HSPA12A: variants seen among roughly 807,000 people sequenced by gnomAD.
The protein encoded by HSPA12A is heat shock protein family A (Hsp70) member 12A.
HSPA12A carries 28 observed loss-of-function variants against 69.2 expected under a neutral mutation model. That is an observed-to-expected ratio of 0.40 (90% CI 0.30 to 0.55). The LOEUF (loss-of-function observed/expected upper bound fraction) is 0.55, where lower values mean the gene tolerates loss of function less well. HSPA12A is among the 20% of genes least tolerant of loss of function. HSPA12A has a pLI of 0.38. For synonymous variants in HSPA12A, 345 were observed against 370.5 expected, an observed-to-expected ratio of 0.93 and a Z score of 0.79; for missense variants, 686 against 900.7, an observed-to-expected ratio of 0.76 and a Z score of 3.05.
chr10:116,761,866 C>CA (rs74264524), intron 2 of HSPA12A, among the ~76,000 whole-genome samples: 102 of 145,152 alleles, frequency 7.0e-4, no homozygotes, highest in South Asian at 2.9e-3. Flanking sequence ...GCAGTGATAA[C>CA]AAAAAAAAAA....
At chr10:116,745,195 CTG>C (rs1851621483), upstream of HSPA12A, among the ~76,000 whole-genome samples, 1 of 152,264 alleles carries the variant, frequency 6.6e-6, no homozygotes, top group African/African-American at 2.4e-5. Flanking sequence ...TTCTGCATCT[CTG>C]TGTCTAGAAC....
intron 2 of HSPA12A, among the ~76,000 whole-genome samples, chr10:116,803,818 C>T (rs1681739): frequency 0.3 from 46,132 of 152,110 alleles, 8,437 homozygotes; most frequent in Non-Finnish European, 0.41. Context: ...TGCGTGACCA[C>T]GGTTCATTCA....
chr10:116,706,733 G>A (rs1850264249), intron 2 of HSPA12A, among the ~76,000 whole-genome samples: 1 of 152,098 alleles, frequency 6.6e-6, no homozygotes, highest in African/African-American at 2.4e-5. Context: ...CCTGCTCAGG[G>A]CTTCTCTACC....
intron 2 of HSPA12A, among the ~76,000 whole-genome samples, chr10:116,763,271 T>C (rs1280413562): frequency 6.6e-6 from 1 of 152,324 alleles, no homozygotes; most frequent in Middle Eastern, 3.4e-3. Context: ...CTTTTCTATC[T>C]CAATGTACAT....
chr10:116,701,488 ATAG>A (rs774788948), intron 3 of HSPA12A, among the ~76,000 whole-genome samples: 53 of 152,248 alleles, frequency 3.5e-4, no homozygotes, highest in Non-Finnish European at 6.0e-4. Context: ...CAAGCACTCA[ATAG>A]CAGATATACT....
intron 2 of HSPA12A, among the ~76,000 whole-genome samples, chr10:116,766,954 G>A (rs1018121144): frequency 6.6e-5 from 10 of 152,190 alleles, no homozygotes; most frequent in African/African-American, 2.4e-4. Flanking sequence ...CAGGCTGACA[G>A]CCAAGCCCAT....
intron 1 of HSPA12A, among the ~76,000 whole-genome samples, chr10:116,729,909 GC>G (rs1402293143): frequency 1.3e-5 from 2 of 152,230 alleles, no homozygotes; most frequent in Admixed American, 6.5e-5. Context: ...CCTCGTGTGT[GC>G]CCAGTGGGTG....
chr10:116,774,395 C>T (rs571727645), intron 2 of HSPA12A, among the ~76,000 whole-genome samples: 25 of 152,306 alleles, frequency 1.6e-4, no homozygotes, highest in Middle Eastern at 3.4e-3. Flanking sequence ...CAGTCCCTGA[C>T]CAGTGTGGTC....
At chr10:116,741,704 C>T (rs1334125858) in intron 1 of HSPA12A, among the ~76,000 whole-genome samples, 1 of 152,156 alleles carries the variant, frequency 6.6e-6, no homozygotes, top group Non-Finnish European at 1.5e-5. Flanking sequence ...GCCCTAATCA[C>T]GCTCCCCAAA....
At chr10:116,713,559 A>G (rs1554883424) in intron 1 of HSPA12A, among the ~76,000 whole-genome samples, 1 of 152,172 alleles carries the variant, frequency 6.6e-6, no homozygotes, top group Non-Finnish European at 1.5e-5. Context: ...GAATAGTCCA[A>G]GAGATGAAAT....
intron 2 of HSPA12A, among the ~76,000 whole-genome samples, chr10:116,776,463 C>T (rs1554891164): frequency 6.6e-6 from 1 of 152,214 alleles, no homozygotes; most frequent in Non-Finnish European, 1.5e-5. Flanking sequence ...TCAAAATCAG[C>T]CGGGATTGAT....
chr10:116,741,512 GGGA>G, intron 1 of HSPA12A, among the ~76,000 whole-genome samples: 1 of 152,192 alleles, frequency 6.6e-6, no homozygotes, highest in Non-Finnish European at 1.5e-5. Flanking sequence ...CTGCAGGTCA[GGGA>G]CGCGCGGCGC....
chr10:116,778,123 G>C (rs564555958), intron 2 of HSPA12A, among the ~76,000 whole-genome samples: 3 of 152,154 alleles, frequency 2.0e-5, no homozygotes, highest in Non-Finnish European at 4.4e-5. Context: ...CACATCATTG[G>C]GGGGGCCTTG....
At chr10:116,772,097 C>T (rs538848368) in intron 2 of HSPA12A, among the ~76,000 whole-genome samples, 5 of 152,220 alleles carry the variant, frequency 3.3e-5, no homozygotes, top group East Asian at 1.9e-4. Flanking sequence ...AGGACGGGAG[C>T]GGGGGTAGTG....
At chr10:116,744,134 C>T (rs751152419), upstream of HSPA12A, among the ~76,000 whole-genome samples, 46 of 152,232 alleles carry the variant, frequency 3.0e-4, no homozygotes, top group Non-Finnish European at 6.0e-4. Context: ...CCCCACCCTA[C>T]TCCAGCTCCA....
At chr10:116,682,459 G>GGA (rs1554878767) in intron 7 of HSPA12A, among the ~76,000 whole-genome samples, 1 of 151,778 alleles carries the variant, frequency 6.6e-6, no homozygotes, top group Non-Finnish European at 1.5e-5. Flanking sequence ...ATAGACTGGG[G>GGA]GGGGGGGCCA....
intron 2 of HSPA12A, among the ~76,000 whole-genome samples, chr10:116,797,913 GC>G (rs777093367): frequency 2.0e-5 from 3 of 152,156 alleles, no homozygotes; most frequent in Non-Finnish European, 4.4e-5. Flanking sequence ...AGAGGGGACA[GC>G]CAGCTTTAGC....
chr10:116,790,554 T>A (rs1844682589), intron 2 of HSPA12A, among the ~76,000 whole-genome samples: 1 of 152,112 alleles, frequency 6.6e-6, no homozygotes, highest in East Asian at 1.9e-4. Context: ...GGAATACTGA[T>A]CCTCTACTCA....
intron 1 of HSPA12A, among the ~76,000 whole-genome samples, chr10:116,842,104 AT>A (rs1589736451): frequency 6.6e-6 from 1 of 152,336 alleles, no homozygotes; most frequent in East Asian, 1.9e-4. Flanking sequence ...TCTTAAGCAG[AT>A]TAACTTAAAG....
Sources: gnomAD v4.1 joint callset for allele counts (sites outside exome capture counted in the v4.1 genomes callset) on GRCh38, gnomAD v4.1.1 for gene constraint, MANE v1.5 for transcripts, NCBI Gene and HGNC (gene_info 2026-07-23, HGNC 2026-07-21) for gene names.